NBEAL1: variants seen among roughly 807,000 people sequenced by gnomAD.
NBEAL1 encodes neurobeachin like 1.
A neutral mutation model predicts 351.3 loss-of-function variants in NBEAL1; 273 were observed. The observed-to-expected ratio is 0.78, with a 90% CI of 0.70 to 0.86. The LOEUF (loss-of-function observed/expected upper bound fraction) is 0.86, where lower values mean the gene tolerates loss of function less well. Ranked by LOEUF, NBEAL1 falls within the 40% of genes least tolerant of loss-of-function variation. The pLI is 0.00. For synonymous variants in NBEAL1, 1,050 were observed against 1,086.4 expected (o/e 0.97, Z 0.66); for missense variants, 2,961 against 3,201.3 (o/e 0.92, Z 1.81).
At chr2:203,160,631 A>G (rs1399672307) in intron 36 of NBEAL1, among the ~76,000 whole-genome samples, 1 of 152,122 alleles carries the variant, frequency 6.6e-6, no homozygotes, top group African/African-American at 2.4e-5. Context: ...TTTTGTAAAA[A>G]AAACTATACA....
chr2:203,125,868 A>G, intron 20 of NBEAL1, 92 bp from the exon 21 acceptor site: 3 of 1,081,178 alleles, frequency 2.8e-6, no homozygotes, highest in Non-Finnish European at 3.8e-6. Context: ...CCAGATTTCT[A>G]CTTTGTGTAA....
intron 10 of NBEAL1, among the ~76,000 whole-genome samples, chr2:203,086,416 T>C (rs2061961559): frequency 6.6e-6 from 1 of 152,254 alleles, no homozygotes; most frequent in South Asian, 2.1e-4. Flanking sequence ...AGATATCATC[T>C]ATAATACCCA....
At position 203,113,112 on chromosome 2, in the gene NBEAL1, C is replaced by T. The variant is rs1408600260; in HGVS notation, c.2300C>T (p.Pro767Leu). 4 of 1,553,072 alleles carry T rather than the reference C, an allele frequency of 2.6e-6. No individual in the cohort carries two copies. The Admixed American group carries it at 5.9e-5, about 23-fold the overall frequency. ...CCACCTTTCTCTTCTCCCATTACCC[C>T]TCATCGGACATCATTTGGTGGAATT... ...PDPPFSSPIT[P>L]HRTSFGGILS... is the part of the protein sequence containing the mutation. The change falls in exon 17 of 56, where the codon CCT becomes CTT. Residue 767 changes from proline (P) to leucine (L), a missense_variant. Transcript: ENST00000683969.
chr2:203,215,241 C>A (rs969590824), intron 55 of NBEAL1, among the ~76,000 whole-genome samples: 1 of 152,128 alleles, frequency 6.6e-6, no homozygotes, highest in African/African-American at 2.4e-5. Flanking sequence ...GTGCTCACAC[C>A]TGTAGTCCCA....
rs770096017 is a variant in NBEAL1 at position 203,201,713 on chromosome 2, T to C, written c.7409T>C (p.Met2470Thr). Reference sequence around the variant, plus strand: ...ATTATCTCACACATCATCCGGCATATGGGTAAGCATTAGCTTTTTTTCCAA... The same window carrying C: ...ATTATCTCACACATCATCCGGCATACGGGTAAGCATTAGCTTTTTTTCCAA... ...GKIISHIIRH[M>T]DIVTCLATDY... The change falls in exon 50 of 56, where the codon ATG (methionine) becomes ACG (threonine). Residue 2470 changes from methionine (M) to threonine (T), a missense_variant and splice_region_variant. Met to Thr is a moderately conservative substitution (Grantham distance 81). Transcript: ENST00000683969. 6.4e-7 allele frequency: 1 copy of C among 1,570,456 alleles called. No homozygotes were observed. The highest frequency in any genetic ancestry group is 1.2e-5 in the South Asian group (1 of 84,620).
intron 53 of NBEAL1, among the ~76,000 whole-genome samples, chr2:203,209,748 T>TGTGTGTGTGTGTGTGTGTGTG (rs1553507773): frequency 6.6e-6 from 1 of 151,674 alleles, no homozygotes; most frequent in African/African-American, 2.4e-5. Context: ...TGTGTGTGTA[T>TGTGTGTGTGTGTGTGTGTGTG]TTTTTTCTGA....
chr2:203,151,301 C>T (rs2063645738), intron 34 of NBEAL1, among the ~76,000 whole-genome samples, 164 bp from the exon 35 acceptor site: 2 of 152,130 alleles, frequency 1.3e-5, no homozygotes, highest in South Asian at 4.1e-4. Flanking sequence ...CACTACACTC[C>T]AGCCTGGGTA....
Position 203,144,650 on chromosome 2 carries a change from G to T in NBEAL1, c.4899G>T (p.Val1633=), listed in dbSNP as rs771794190. Residue 1633 remains valine (V), a synonymous_variant, in exon 32 of 56, where the codon GTG becomes GTT. Transcript: ENST00000683969. The part of the protein sequence containing the change: ...AKLNTLLQTK[V]IENQDEACYI... Reference sequence around the variant, plus strand: ...TAAATACCCTTCTTCAGACCAAAGTGATTGAAAATCAGGATGAAGCATGTT... The same window carrying T: ...TAAATACCCTTCTTCAGACCAAAGTTATTGAAAATCAGGATGAAGCATGTT... 6.2e-7 allele frequency: 1 copy of T among 1,614,100 alleles called. No homozygotes were observed. Among genetic ancestry groups the T allele is most frequent in the Non-Finnish European group, 8.5e-7 (1 of 1,179,974 alleles).
At chr2:203,129,660 A>G (rs1415229930) in intron 24 of NBEAL1, among the ~76,000 whole-genome samples, 1 of 152,240 alleles carries the variant, frequency 6.6e-6, no homozygotes, top group Admixed American at 6.5e-5. Context: ...GCAGGGGTCA[A>G]TAAGAGAAGT....
intron 53 of NBEAL1, among the ~76,000 whole-genome samples, chr2:203,210,716 G>C (rs929458982): frequency 6.6e-6 from 1 of 152,098 alleles, no homozygotes; most frequent in South Asian, 2.1e-4. Context: ...TTTTGGGGAG[G>C]GCTGAATGAG....
chr2:203,138,123 G>T (rs1346551328), intron 29 of NBEAL1, 39 bp from the exon 30 acceptor site: 15 of 1,601,622 alleles, frequency 9.4e-6, no homozygotes, highest in Non-Finnish European at 1.3e-5. Context: ...GTTTTTCTAA[G>T]CTCACAATGG....
At chr2:203,028,840 C>A (rs2060903456) in intron 2 of NBEAL1, among the ~76,000 whole-genome samples, 1 of 152,016 alleles carries the variant, frequency 6.6e-6, no homozygotes, top group Non-Finnish European at 1.5e-5. Context: ...ATTTTTAGAG[C>A]AGTTTTAGGT....
chr2:203,068,473 AT>A lies in NBEAL1; in HGVS notation c.597del (p.Gln200AsnfsTer25). 6.5e-7 allele frequency: 1 copy of A among 1,526,966 alleles called. No homozygotes were observed. Among genetic ancestry groups the A allele is most frequent in the Non-Finnish European group, 8.9e-7 (1 of 1,125,642 alleles). 94.6% of individuals were successfully genotyped at this position (1,526,966 alleles called of 1,614,324 possible). On this transcript the variant is annotated frameshift_variant and splice_region_variant, in exon 7 of 56. Transcript: ENST00000683969. LOFTEE classifies it high-confidence loss of function. The part of the protein sequence containing the change: ...SLTVEFVPFF[Y>X]QCFQESEHLK... The stretch of plus-strand genomic sequence containing the variant: ...ACAGTGGAATTCGTCCCTTTCTTTT[AT>A]CGTAAGTAACACCTCTAATTTCTCT...
At chr2:203,199,497 G>A (rs779271372) in intron 49 of NBEAL1, 50 bp downstream of exon 49, 1 of 894,814 alleles carries the variant, frequency 1.1e-6, no homozygotes, top group Non-Finnish European at 1.8e-6. Context: ...ATACCTTATT[G>A]CCAGGAAAAA....
chr2:203,137,637 G>A (rs2063248924), intron 29 of NBEAL1, among the ~76,000 whole-genome samples: 2 of 152,104 alleles, frequency 1.3e-5, no homozygotes, highest in Non-Finnish European at 2.9e-5. Context: ...TTAATACTAT[G>A]TATATTAAAG....
Position 203,049,856 on chromosome 2 carries a change from T to C in NBEAL1, c.186T>C (p.Asn62=). ...CAGGAATATCTCTGCTTCCTGATAA[T>C]ATTCTGCAGGTTCTGAGGATCCAGC... ...MPPGISLLPD[N]ILQVLRIQLL... The change falls in exon 4 of 56, where the codon AAT becomes AAC. Residue 62 remains asparagine (N), a synonymous_variant. Transcript: ENST00000683969. The C allele has an allele frequency of 1.3e-6, 2 of 1,555,078 alleles. No homozygotes were observed. Among genetic ancestry groups the C allele is most frequent in the Non-Finnish European group, 1.7e-6 (2 of 1,147,480 alleles).
intron 19 of NBEAL1, among the ~76,000 whole-genome samples, chr2:203,124,869 A>G (rs1468434470): frequency 6.6e-6 from 1 of 152,236 alleles, no homozygotes; most frequent in Non-Finnish European, 1.5e-5. Context: ...AAAATATTTT[A>G]TTAAGCTACC....
chr2:203,159,912 G>T (rs2106376365), intron 36 of NBEAL1, among the ~76,000 whole-genome samples: 1 of 151,152 alleles, frequency 6.6e-6, no homozygotes, highest in Non-Finnish European at 1.5e-5. Context: ...TTTCCTTGTG[G>T]TTTTGTAAAA....
chr2:203,146,403 C>A (rs1253728161), intron 33 of NBEAL1, among the ~76,000 whole-genome samples: 1 of 151,956 alleles, frequency 6.6e-6, no homozygotes, highest in Non-Finnish European at 1.5e-5. Flanking sequence ...TAATATTACC[C>A]TCATAGTGAA....
Sources: gnomAD v4.1 joint callset for allele counts (sites outside exome capture counted in the v4.1 genomes callset) on GRCh38, gnomAD v4.1.1 for gene constraint, MANE v1.5 for transcripts, NCBI Gene and HGNC (gene_info 2026-07-23, HGNC 2026-07-21) for gene names.